Variants in SV2C observed in about 807,000 individuals in gnomAD.
SV2C encodes the protein synaptic vesicle glycoprotein 2C, also known as solute carrier family 22 member B3.
In SV2C, 49 loss-of-function variants were observed where a neutral mutation model predicts 79.7. The observed-to-expected ratio is 0.61, with a 90% CI of 0.49 to 0.78. The LOEUF is 0.78. Among genes scored for constraint, SV2C ranks in the 30% least tolerant of loss-of-function variants. The pLI, the probability that SV2C is intolerant of heterozygous loss-of-function variation, is 0.00. For synonymous variants in SV2C, 334 were observed against 333.2 expected, an observed-to-expected ratio of 1.00 and a Z score of -0.03; for missense variants, 833 against 912.9, an observed-to-expected ratio of 0.91 and a Z score of 1.13.
chr5:75,969,746 C>A, the SV2C span, among the ~76,000 whole-genome samples: 1 of 152,198 alleles, frequency 6.6e-6, no homozygotes, highest in East Asian at 1.9e-4. Context: ...ACCCCACTGT[C>A]AACATTAGAC....
chr5:76,299,730 GT>G (rs1580047649), intron 10 of SV2C, among the ~76,000 whole-genome samples: 1 of 152,142 alleles, frequency 6.6e-6, no homozygotes, highest in Non-Finnish European at 1.5e-5. Flanking sequence ...GTGTCTTTCT[GT>G]TTTTTGTTTT....
At chr5:76,297,381 A>T (rs1165216496) in intron 9 of SV2C, among the ~76,000 whole-genome samples, 2 of 152,194 alleles carry the variant, frequency 1.3e-5, no homozygotes, top group African/African-American at 4.8e-5. Flanking sequence ...GAAACTGACA[A>T]CAATGGTTAT....
intron 4 of SV2C, among the ~76,000 whole-genome samples, chr5:76,249,890 C>T (rs1266596252): frequency 6.6e-6 from 1 of 152,168 alleles, no homozygotes; most frequent in African/African-American, 2.4e-5. Flanking sequence ...GTCAACCATA[C>T]AGCAGCTCAA....
the SV2C span, among the ~76,000 whole-genome samples, chr5:76,062,259 G>A: frequency 7.1e-3 from 1,073 of 152,172 alleles, 13 homozygotes; most frequent in African/African-American, 0.025. Context: ...AAGGGGTGGG[G>A]CCTTTAGAAG....
At chr5:76,024,949 T>TTGCATG in the SV2C span, among the ~76,000 whole-genome samples, 1 of 152,132 alleles carries the variant, frequency 6.6e-6, no homozygotes, top group Non-Finnish European at 1.5e-5. Flanking sequence ...CTGCTCCAAG[T>TTGCATG]TGCATGTTCA....
the SV2C span, among the ~76,000 whole-genome samples, chr5:76,027,783 A>G: frequency 6.6e-6 from 1 of 152,202 alleles, no homozygotes; most frequent in Non-Finnish European, 1.5e-5. Flanking sequence ...TGCTCAGTCC[A>G]GAGTTAAATA....
Position 76,191,531 on chromosome 5 carries a change from T to TA in SV2C, c.581-3385dup, listed in dbSNP as rs141995597. Reference sequence around the variant, plus strand: ...TTTCCTAAAGTTGTTCTGTTTTGTTTAAATATGGTTTAAAATGGTGTTGGG... The same window carrying TA: ...TTTCCTAAAGTTGTTCTGTTTTGTTTAAAATATGGTTTAAAATGGTGTTGGG... On this transcript the variant is annotated intron_variant, in intron 2 of 12. Coordinates refer to ENST00000502798, the MANE Select transcript of SV2C (RefSeq NM_014979.4). Among the ~76,000 whole-genome samples the TA allele has an allele frequency of 1.7e-3, 266 of 152,346 alleles. 1 individual carries two copies. Among genetic ancestry groups the TA allele is most frequent in the African/African-American group, 5.9e-3 (245 of 41,582 alleles).
the SV2C span, chr5:75,921,615 C>A: frequency 1.0e-6 from 1 of 960,738 alleles, no homozygotes; most frequent in South Asian, 1.3e-5. Context: ...GTGTTCTTCT[C>A]CCCCTTCTTG....
chr5:76,063,104 T>C, the SV2C span, among the ~76,000 whole-genome samples: 1 of 152,192 alleles, frequency 6.6e-6, no homozygotes, highest in African/African-American at 2.4e-5. Context: ...AATTAGTTTA[T>C]GTATTCATAA....
At chr5:75,956,790 T>G in the SV2C span, among the ~76,000 whole-genome samples, 12 of 151,974 alleles carry the variant, frequency 7.9e-5, no homozygotes, top group Admixed American at 7.2e-4. Context: ...CTGGGAAACC[T>G]CTGGGCTTTC....
intron 12 of SV2C, among the ~76,000 whole-genome samples, chr5:76,320,048 ATACCT>A (rs1748776131): frequency 1.3e-5 from 2 of 152,110 alleles, no homozygotes; most frequent in African/African-American, 2.4e-5. Flanking sequence ...ACGGTGGCTC[ATACCT>A]GTAATCCCAG....
At chr5:76,038,719 C>CA in the SV2C span, among the ~76,000 whole-genome samples, 1 of 152,102 alleles carries the variant, frequency 6.6e-6, no homozygotes, top group Non-Finnish European at 1.5e-5. Context: ...AGCCAATGGT[C>CA]AAAAAATTAT....
chr5:75,986,609 C>T, the SV2C span, among the ~76,000 whole-genome samples: 51,613 of 151,766 alleles, frequency 0.34, 9,868 homozygotes, highest in Middle Eastern at 0.48. Flanking sequence ...AGAAAACTAA[C>T]ATATTCAATA....
chr5:76,208,059 G>A (rs1416757844), intron 3 of SV2C, among the ~76,000 whole-genome samples: 2 of 152,070 alleles, frequency 1.3e-5, no homozygotes, highest in East Asian at 3.9e-4. Context: ...CTGAAGACAG[G>A]TTGAGTCACA....
At chr5:76,206,885 T>C (rs1561264130) in intron 3 of SV2C, among the ~76,000 whole-genome samples, 2 of 152,256 alleles carry the variant, frequency 1.3e-5, no homozygotes, top group Admixed American at 1.3e-4. Flanking sequence ...TATATATCGC[T>C]GAGTCTAAAT....
chr5:76,008,300 G>C, the SV2C span, among the ~76,000 whole-genome samples: 4 of 152,132 alleles, frequency 2.6e-5, no homozygotes, highest in African/African-American at 9.7e-5. Context: ...ATTCAAACAG[G>C]CTGCATTACT....
chr5:75,960,291 G>A, the SV2C span, among the ~76,000 whole-genome samples: 16 of 151,848 alleles, frequency 1.1e-4, no homozygotes, highest in African/African-American at 3.6e-4. Flanking sequence ...CTCTTTTATG[G>A]CTTTTTACAA....
At chr5:76,254,366 A>G (rs1324552231) in intron 4 of SV2C, among the ~76,000 whole-genome samples, 1 of 151,958 alleles carries the variant, frequency 6.6e-6, no homozygotes, top group East Asian at 1.9e-4. Flanking sequence ...CTACTTTTCC[A>G]TCTATTCCTT....
the SV2C span, among the ~76,000 whole-genome samples, chr5:76,067,417 A>G: frequency 2.0e-5 from 2 of 99,394 alleles, no homozygotes; most frequent in African/African-American, 3.3e-5. Flanking sequence ...CTTTGGAAGC[A>G]GTCAATGAAT....
Sources: gnomAD v4.1 joint callset for allele counts (sites outside exome capture counted in the v4.1 genomes callset) on GRCh38, gnomAD v4.1.1 for gene constraint, MANE v1.5 for transcripts, NCBI Gene and HGNC (gene_info 2026-07-23, HGNC 2026-07-21) for gene names.